Variants in PITPNM1 observed in about 807,000 individuals in gnomAD.
PITPNM1 encodes the protein membrane-associated phosphatidylinositol transfer protein 1.
Under a neutral mutation model 133.3 loss-of-function variants are expected in PITPNM1, and 74 were observed. The ratio of observed to expected loss-of-function variants is 0.56; its 90% CI spans 0.46 to 0.67. PITPNM1 has a LOEUF of 0.67. Ranked by LOEUF, PITPNM1 falls within the 30% of genes least tolerant of loss-of-function variation. The pLI, the probability that PITPNM1 is intolerant of heterozygous loss-of-function variation, is 0.00. For missense variants in PITPNM1, 1,398 were observed against 1,739.5 expected (o/e 0.80, Z 3.49); for synonymous variants, 738 against 741.4 (o/e 1.00, Z 0.08).
chr11:67,493,615 C>G (rs1866008116), intron 21 of PITPNM1, 22 bp from the exon 22 acceptor site: 1 of 1,544,522 alleles, frequency 6.5e-7, no homozygotes, highest in Non-Finnish European at 8.7e-7. Flanking sequence ...GGGCAGCGGT[C>G]AGCTCCGCTG....
At chr11:67,501,564 G>A (rs1448751879) in intron 5 of PITPNM1, among the ~76,000 whole-genome samples, 2 of 152,244 alleles carry the variant, frequency 1.3e-5, no homozygotes, top group Non-Finnish European at 2.9e-5. Context: ...TGACCTTCCT[G>A]AGTGTCTCTA....
In PITPNM1 at chr11:67,497,691, A is replaced by C; in HGVS notation, c.1783-12T>G. Reference sequence around the variant, plus strand: ...AGCAGCTCATTGTTCTGGATGGAACAGGAGACAGAAACATTCTTAGGCCTG... The same window carrying C: ...AGCAGCTCATTGTTCTGGATGGAACCGGAGACAGAAACATTCTTAGGCCTG... On this transcript the variant is annotated splice_polypyrimidine_tract_variant and intron_variant, in intron 12 of 23. Transcript: ENST00000356404. 1 of 1,607,884 alleles carries C rather than the reference A, an allele frequency of 6.2e-7. No individual in the cohort carries two copies. Among genetic ancestry groups the C allele is most frequent in the South Asian group, 1.1e-5 (1 of 90,422 alleles).
chr11:67,492,911 C>A, intron 23 of PITPNM1, 23 bp downstream of exon 23: 1 of 1,608,414 alleles, frequency 6.2e-7, no homozygotes, highest in South Asian at 1.1e-5. Context: ...GGGTCCTGTT[C>A]CTGGCCTTCA....
Position 67,493,675 on chromosome 11 carries a change from T to C in PITPNM1, c.3158+13A>G, listed in dbSNP as rs367628781. The C allele has an allele frequency of 6.3e-5, 98 of 1,545,450 alleles. No individual in the cohort carries two copies. The African/African-American group carries it at 1.2e-3, about 19-fold the overall frequency. On this transcript the variant is annotated intron_variant, in intron 21 of 23. Coordinates refer to ENST00000356404, the MANE Select transcript of PITPNM1 (RefSeq NM_004910.3). ...CCGGTGAAATGGGTGGTGGTGGCAG[T>C]GGCAACTCCTACCTGACCACGTCCA... is the stretch of plus-strand genomic sequence containing the variant.
chr11:67,498,507 T>G lies in PITPNM1; in HGVS notation c.1484+89A>C. On this transcript the variant is annotated intron_variant, in intron 10 of 23. Transcript: ENST00000356404. The surrounding 1 kb of genome is among the most constrained non-coding windows in gnomAD (Gnocchi z 5.7). ...CAGCCATGCCAGTGACCGACCCAGG[T>G]GTCTGGCTTCCTGACCCCTTCCCCG... The G allele has an allele frequency of 6.5e-7, 1 of 1,529,190 alleles. No homozygotes were observed. The highest frequency in any genetic ancestry group is 1.2e-5 in the South Asian group (1 of 81,768). The allele number at this position is 1,529,190 out of a possible 1,614,324, so 94.7% of individuals were successfully genotyped here.
At position 67,494,043 on chromosome 11, in the gene PITPNM1, G is replaced by C; in HGVS notation, c.2887C>G (p.Leu963Val). 2 of 1,609,556 alleles carry C rather than the reference G, an allele frequency of 1.2e-6. No homozygotes were observed. Among genetic ancestry groups the C allele is most frequent in the African/African-American group, 1.3e-5 (1 of 74,834 alleles). Residue 963 changes from leucine to valine, a missense_variant, in exon 20 of 24, where the codon CTG becomes GTG. Physicochemically the swap from Leu to Val is conservative, Grantham distance 32 (BLOSUM62 1). Around this residue, in one of 5 missense-constraint regions of PITPNM1, gnomAD observed 233 missense variants for 378.0 expected, o/e 0.62. Coordinates refer to ENST00000356404, the MANE Select transcript of PITPNM1 (RefSeq NM_004910.3). ...KVDVYIMTQP[L>V]SGKWIHFGTE... is the part of the protein sequence containing the mutation. ...CCAAAGTGGATCCACTTGCCCGACA[G>C]CGGCTGCGTCATGATGTAGACATCC... is the stretch of plus-strand genomic sequence containing the variant.
In PITPNM1 at chr11:67,501,988, G is replaced by C; in HGVS notation, c.514C>G (p.Leu172Val). Residue 172 changes from leucine (L) to valine (V), a missense_variant, in exon 5 of 24, where the codon CTG becomes GTG. Coordinates refer to ENST00000356404, the MANE Select transcript of PITPNM1 (RefSeq NM_004910.3). ...YHSVKTGRGP[L>V]SDDWARTAAQ... The stretch of plus-strand genomic sequence containing the variant: ...GCCGTCCGTGCCCAGTCATCAGACA[G>C]TGGCCCTCGGCCCGTCTTGACCGAG... The C allele has an allele frequency of 6.2e-7, 1 of 1,613,568 alleles. No homozygotes were observed. The highest frequency in any genetic ancestry group is 8.5e-7 in the Non-Finnish European group (1 of 1,180,024).
rs778673945 is a variant in PITPNM1 at position 67,496,223 on chromosome 11, G to A, written c.2272C>T (p.Arg758Cys). The stretch of plus-strand genomic sequence containing the variant: ...TCTCCCAGGGGGAACTTCTGGTAGC[G>A]GGGCACGGTCAGTGGGGCGATGGCC... ...FQAIAPLTVP[R>C]YQKFPLGDGS... The change falls in exon 15 of 24, where the codon CGC becomes TGC. Residue 758 changes from arginine to cysteine, a missense_variant. Physicochemically the swap from Arg to Cys is radical, Grantham distance 180. Transcript: ENST00000356404. The A allele has an allele frequency of 8.4e-6, 13 of 1,549,486 alleles. No homozygotes were observed. Among genetic ancestry groups the A allele is most frequent in the Non-Finnish European group, 9.5e-6 (11 of 1,153,908 alleles).
At chr11:67,494,992 G>GGGGA in intron 17 of PITPNM1, 36 bp from the exon 18 acceptor site, 1 of 1,606,478 alleles carries the variant, frequency 6.2e-7, no homozygotes, top group South Asian at 1.1e-5. Context: ...CTGTCTCTTA[G>GGGGA]GGGAGGGAGG....
At chr11:67,503,504 C>T (rs1239182527) in intron 2 of PITPNM1, among the ~76,000 whole-genome samples, 2 of 152,186 alleles carry the variant, frequency 1.3e-5, no homozygotes, top group African/African-American at 2.4e-5. Flanking sequence ...TGCTCCGGGG[C>T]TCAGATGGCC....
chr11:67,496,506 A>T, intron 14 of PITPNM1, 158 bp from the exon 15 acceptor site: 1 of 603,476 alleles, frequency 1.7e-6, no homozygotes, highest in South Asian at 2.3e-5. Context: ...GCCCTGCTTA[A>T]AGTGAGACAG....
Position 67,502,768 on chromosome 11 carries a change from C to T in PITPNM1, c.79-50G>A. Reference sequence around the variant, plus strand: ...AGGGAGCTCAGCCCCAGCTTAGCATCTGGGATCCCCAGCTCAGCCTGGTGT... The same window carrying T: ...AGGGAGCTCAGCCCCAGCTTAGCATTTGGGATCCCCAGCTCAGCCTGGTGT... On this transcript the variant is annotated intron_variant, in intron 2 of 23. Coordinates refer to ENST00000356404, the MANE Select transcript of PITPNM1 (RefSeq NM_004910.3). The surrounding 1 kb of genome is among the most constrained non-coding windows in gnomAD (Gnocchi z 5.9). The T allele has an allele frequency of 6.4e-7, 1 of 1,567,876 alleles. No homozygotes were observed. The highest frequency in any genetic ancestry group is 8.8e-7 in the Non-Finnish European group (1 of 1,142,712).
At chr11:67,499,686 G>C in intron 8 of PITPNM1, 37 bp downstream of exon 8, 1 of 1,133,686 alleles carries the variant, frequency 8.8e-7, no homozygotes, top group South Asian at 1.6e-5. Flanking sequence ...TGCTGTACAC[G>C]GGTGCTGGGG....
rs765977865 is a variant in PITPNM1 at position 67,493,854 on chromosome 11, G to A, written c.3009-17C>T. On this transcript the variant is annotated splice_polypyrimidine_tract_variant and intron_variant, in intron 20 of 23. Coordinates refer to ENST00000356404, the MANE Select transcript of PITPNM1 (RefSeq NM_004910.3). ...TGGTCGCCCCTGCGGCCCACGGGGC[G>A]GGGCGTGAGTGGCGCGGGGCGAGGC... 139 of 1,533,452 alleles carry A rather than the reference G, an allele frequency of 9.1e-5. No homozygotes were observed. The African/African-American group carries it at 1.8e-3, about 20-fold the overall frequency. 95.0% of individuals were successfully genotyped at this position (1,533,452 alleles called of 1,614,324 possible).
chr11:67,493,569 C>A lies in PITPNM1; in HGVS notation c.3183G>T (p.Leu1061=). The A allele has an allele frequency of 6.4e-7, 1 of 1,554,872 alleles. No individual in the cohort carries two copies. The highest frequency in any genetic ancestry group is 8.7e-7 in the Non-Finnish European group (1 of 1,148,396). ...CCGGCCGGCCTGTGACATACACGAT[C>A]AGGTAGCCGGAGTCCTGCCAGTGCC... ...VVRHWQDSGY[L]IVYVTGRPDM... Residue 1061 remains leucine, a synonymous_variant, in exon 22 of 24, where the codon CTG becomes CTT. Coordinates refer to ENST00000356404, the MANE Select transcript of PITPNM1 (RefSeq NM_004910.3).
rs1201875643 is a variant in PITPNM1 at position 67,501,883 on chromosome 11, C to T, written c.619G>A (p.Glu207Lys). ...FRYWGMQAKI[E>K]QFIHDVGLRR... is the part of the protein sequence containing the mutation. Reference sequence around the variant, plus strand: ...TCACCTACATCATGGATGAACTGCTCGATCTTGGCTTGCATGCCCCAGTAG... The same window carrying T: ...TCACCTACATCATGGATGAACTGCTTGATCTTGGCTTGCATGCCCCAGTAG... The change falls in exon 5 of 24, where the codon GAG becomes AAG. Residue 207 changes from glutamate (E) to lysine (K), a missense_variant. This residue lies in a region of PITPNM1 where 274 missense variants were observed against 360.7 expected (regional missense o/e 0.76). Transcript: ENST00000356404. 2 of 1,613,560 alleles carry T rather than the reference C, an allele frequency of 1.2e-6. No homozygotes were observed. The highest frequency in any genetic ancestry group is 1.3e-5 in the African/African-American group (1 of 74,904).
chr11:67,498,693 C>T lies in PITPNM1; in HGVS notation c.1387G>A (p.Val463Ile), dbSNP rs61755426. 4,202 of 1,604,702 alleles carry T rather than the reference C, an allele frequency of 2.6e-3. 9 individuals carry two copies. The highest frequency in any genetic ancestry group is 3.2e-3 in the Non-Finnish European group (3,731 of 1,179,954). Residue 463 changes from valine (V) to isoleucine (I), a missense_variant, in exon 10 of 24, where the codon GTC becomes ATC. This residue lies in a region of PITPNM1 where 574 missense variants were observed against 698.7 expected (regional missense o/e 0.82). Transcript: ENST00000356404. The surrounding 1 kb of genome is among the most constrained non-coding windows in gnomAD (Gnocchi z 5.7). ...GCCTCAGGGAAGTGGATGCGGGTGA[C>T]GGCCTCGAAGGCGGAGCTCAGCGTC... ...VQTLSSAFEA[V>I]TRIHFPEALG...
At chr11:67,494,383 G>C in intron 18 of PITPNM1, 23 bp from the exon 19 acceptor site, 2 of 1,545,522 alleles carry the variant, frequency 1.3e-6, no homozygotes, top group Non-Finnish European at 8.8e-7. Context: ...GAGGGCGTGA[G>C]TCCGCGGCCA....
chr11:67,494,402 TGGGGATGCTTGGGGAG>T, intron 18 of PITPNM1, 42 bp from the exon 19 acceptor site: 1 of 1,114,604 alleles, frequency 9.0e-7, no homozygotes, highest in Non-Finnish European at 1.2e-6. Context: ...CAGCAAAGGA[TGGGGATGCTTGGGGAG>T]GGGGAGCGGG....
Sources: gnomAD v4.1 joint callset for allele counts (sites outside exome capture counted in the v4.1 genomes callset) on GRCh38, gnomAD v4.1.1 for gene constraint, gnomAD v4.1.1 regional missense constraint, Gnocchi (gnomAD v3.1) non-coding constraint, MANE v1.5 for transcripts, NCBI Gene and HGNC (gene_info 2026-07-23, HGNC 2026-07-21) for gene names.